Variants in DHRS9 observed in about 807,000 individuals in gnomAD.
DHRS9 encodes the protein dehydrogenase/reductase 9.
DHRS9 carries 18 observed loss-of-function variants against 26.6 expected under a neutral mutation model. The ratio of observed to expected loss-of-function variants is 0.68; its 90% CI spans 0.47 to 1.00. The LOEUF is 1.00. Among genes scored for constraint, DHRS9 ranks in the 50% least tolerant of loss-of-function variants. The probability of loss-of-function intolerance (pLI) is 0.00; values close to 1 mark genes in which losing one functional copy is unlikely to be tolerated. For synonymous variants in DHRS9, 134 were observed against 141.1 expected, an observed-to-expected ratio of 0.95 and a Z score of 0.36; for missense variants, 425 against 378.7, an observed-to-expected ratio of 1.12 and a Z score of -1.01.
intron 3 of DHRS9, among the ~76,000 whole-genome samples, chr2:169,089,426 T>C (rs1185396254): frequency 6.6e-6 from 1 of 152,122 alleles, no homozygotes; most frequent in Non-Finnish European, 1.5e-5. Context: ...TCCCAGGATA[T>C]GATGCAGACA....
chr2:169,085,708 G>C (rs938835651), intron 3 of DHRS9, among the ~76,000 whole-genome samples: 1 of 152,068 alleles, frequency 6.6e-6, no homozygotes, highest in Admixed American at 6.5e-5. Flanking sequence ...ACTGATTTTT[G>C]TATGTTGATT....
At chr2:169,078,815 C>CTTTTTTTTTTTTTTTTTTT (rs200691133) in intron 1 of DHRS9, among the ~76,000 whole-genome samples, 7 of 110,364 alleles carry the variant, frequency 6.3e-5, no homozygotes, top group African/African-American at 1.1e-4. Flanking sequence ...TATCAACTGA[C>CTTTTTTTTTTTTTTTTTTT]TTTTTTTTTT....
chr2:169,070,444 G>A (rs1683764615), intron 1 of DHRS9: 1 of 985,396 alleles, frequency 1.0e-6, no homozygotes, highest in South Asian at 4.7e-5. Flanking sequence ...AGTTAGAGTT[G>A]TACAAATGGC....
At chr2:169,067,827 G>A (rs948338186), upstream of DHRS9, among the ~76,000 whole-genome samples, 1 of 152,118 alleles carries the variant, frequency 6.6e-6, no homozygotes, top group Admixed American at 6.5e-5. Flanking sequence ...CGCCTATGTG[G>A]GACCATTGGA....
intron 2 of DHRS9, among the ~76,000 whole-genome samples, 195 bp from the exon 3 acceptor site, chr2:169,083,134 C>G (rs183219089): frequency 6.6e-6 from 1 of 152,166 alleles, no homozygotes; most frequent in Non-Finnish European, 1.5e-5. Context: ...AGAGTAACAG[C>G]GAGAACTTGA....
rs138806760 is a variant in DHRS9 at position 169,077,094 on chromosome 2, A to C, written c.-59-4429A>C. On this transcript the variant is annotated intron_variant, in intron 1 of 4. Transcript: ENST00000674881. ...GCAGTTTGGATCCAATATGGGATCC[A>C]ACAGCCCACGTTGTTCAGATGTCAG... Among the ~76,000 whole-genome samples the C allele has an allele frequency of 4.6e-3, 705 of 152,310 alleles. 3 individuals are homozygous for C. The highest frequency in any genetic ancestry group is 6.8e-3 in the Middle Eastern group (2 of 294).
At chr2:169,067,925 T>C (rs77430156), upstream of DHRS9, among the ~76,000 whole-genome samples, 875 of 152,324 alleles carry the variant, frequency 5.7e-3, 15 homozygotes, top group East Asian at 0.074. Flanking sequence ...ACAAGCCAGA[T>C]AGATGGCAAG....
intron 4 of DHRS9, among the ~76,000 whole-genome samples, chr2:169,095,133 T>C (rs1187396412): frequency 1.3e-5 from 2 of 152,188 alleles, no homozygotes; most frequent in Non-Finnish European, 2.9e-5. Context: ...CTTAGGGGCC[T>C]CATGGGCTTT....
chr2:169,073,766 G>A (rs1462021124), intron 1 of DHRS9, among the ~76,000 whole-genome samples: 1 of 152,050 alleles, frequency 6.6e-6, no homozygotes, highest in Non-Finnish European at 1.5e-5. Flanking sequence ...ACTTTTCCAT[G>A]AGGCCATTAA....
At chr2:169,091,557 G>A (rs1471533091) in intron 3 of DHRS9, among the ~76,000 whole-genome samples, 3 of 152,218 alleles carry the variant, frequency 2.0e-5, no homozygotes, top group South Asian at 4.1e-4. Context: ...TGGACTGGGG[G>A]TGGTGTCCAC....
At chr2:169,077,771 C>A (rs1402280163) in intron 1 of DHRS9, among the ~76,000 whole-genome samples, 1 of 152,180 alleles carries the variant, frequency 6.6e-6, no homozygotes, top group East Asian at 1.9e-4. Context: ...GCTGGTAACC[C>A]AGTTTCATGC....
chr2:169,072,657 C>T, intron 1 of DHRS9: 1 of 985,344 alleles, frequency 1.0e-6, no homozygotes, highest in Non-Finnish European at 1.2e-6. Context: ...TGGCTGCTGA[C>T]AGGCAGTTAC....
intron 3 of DHRS9, among the ~76,000 whole-genome samples, chr2:169,087,490 A>G (rs1473933392): frequency 6.6e-6 from 1 of 152,122 alleles, no homozygotes; most frequent in Non-Finnish European, 1.5e-5. Context: ...TAGTCAAACC[A>G]AGCTGGCACC....
intron 1 of DHRS9, chr2:169,070,445 T>G (rs1683764711): frequency 2.0e-6 from 2 of 985,322 alleles, no homozygotes; most frequent in Non-Finnish European, 2.4e-6. Context: ...GTTAGAGTTG[T>G]ACAAATGGCT....
Position 169,092,743 on chromosome 2 carries a change from T to G in DHRS9, c.736+790T>G, listed in dbSNP as rs1244886176. 2.0e-5 allele frequency among the ~76,000 whole-genome samples: 3 copies of G among 152,162 alleles called. No homozygotes were observed. In the East Asian group the frequency reaches 5.8e-4, roughly 29 times the overall value. On this transcript the variant is annotated intron_variant, in intron 4 of 4. Transcript: ENST00000674881. ...GAGCCTTCCTGGTCAAGAGATTGAG[T>G]CAGAGATGGGAGAATAATAATAAAG...
rs112033426 is a variant in DHRS9 at position 169,076,273 on chromosome 2, C to A, written c.-59-5250C>A. Among the ~76,000 whole-genome samples, 866 of 152,230 alleles carry A rather than the reference C, an allele frequency of 5.7e-3. 9 individuals carry two copies. The highest frequency in any genetic ancestry group is 0.019 in the African/African-American group (800 of 41,542). On this transcript the variant is annotated intron_variant, in intron 1 of 4. Transcript: ENST00000674881. ...TTGTCTCTTACTTCGCCAGTGGGAG[C>A]CCCTTCCAGCTGACATCTATGTACT...
In DHRS9 at chr2:169,083,509, T is replaced by C. The variant is rs866445529; in HGVS notation, c.494T>C (p.Val165Ala). Residue 165 changes from valine to alanine, a missense_variant, in exon 3 of 5, where the codon GTT becomes GCT. Val to Ala is a moderately conservative substitution (Grantham distance 64). Transcript: ENST00000674881. ...AQGRVINVSS[V>A]GGRLAIVGGG... is the part of the protein sequence containing the mutation. ...GGGAGAGTTATTAATGTCTCCAGTG[T>C]TGGAGGTCGCCTTGCAATCGTTGGA... 1 of 1,614,054 alleles carries C rather than the reference T, an allele frequency of 6.2e-7. No individual in the cohort carries two copies.
chr2:169,089,776 C>T (rs1684463161), intron 3 of DHRS9, among the ~76,000 whole-genome samples: 2 of 152,140 alleles, frequency 1.3e-5, no homozygotes, highest in Non-Finnish European at 2.9e-5. Context: ...GCATTTGAAT[C>T]ACCTGGGGAT....
chr2:169,078,959 A>T (rs970985030), intron 1 of DHRS9, among the ~76,000 whole-genome samples: 2 of 144,834 alleles, frequency 1.4e-5, no homozygotes, highest in African/African-American at 2.6e-5. Flanking sequence ...CTGATTCTCC[A>T]GCCCTAGCCT....
Sources: allele counts gnomAD v4.1 joint callset (sites outside exome capture counted in the v4.1 genomes callset), GRCh38; gene constraint gnomAD v4.1.1; transcripts MANE v1.5; gene names NCBI Gene and HGNC (gene_info 2026-07-23, HGNC 2026-07-21).